The following CADM2 variants were observed in gnomAD, a reference collection of about 807,000 sequenced individuals.
CADM2 encodes the protein immunoglobulin superfamily member 4D.
Under a neutral mutation model 49.8 loss-of-function variants are expected in CADM2, and 12 were observed. The ratio of observed to expected loss-of-function variants is 0.24; its 90% CI spans 0.15 to 0.39. The LOEUF (loss-of-function observed/expected upper bound fraction) is 0.39. Ranked by LOEUF, CADM2 falls within the 10% of genes least tolerant of loss-of-function variation. The probability of loss-of-function intolerance (pLI) is 1.00; values close to 1 mark genes in which losing one functional copy is unlikely to be tolerated. For synonymous variants in CADM2, 214 were observed against 175.4 expected, an observed-to-expected ratio of 1.22 and a Z score of -1.74; for missense variants, 378 against 492.3, an observed-to-expected ratio of 0.77 and a Z score of 2.20.
At chr3:85,456,034 A>G (rs1273262183) in intron 1 of CADM2, among the ~76,000 whole-genome samples, 1 of 152,230 alleles carries the variant, frequency 6.6e-6, no homozygotes, top group African/African-American at 2.4e-5. Context: ...AAGAACTTTG[A>G]GTCTGAGTCT....
intron 1 of CADM2, among the ~76,000 whole-genome samples, chr3:85,181,697 T>G (rs1055113588): frequency 1.3e-5 from 2 of 151,856 alleles, no homozygotes; most frequent in Non-Finnish European, 2.9e-5. Context: ...TTTTTTCAAA[T>G]GTTCATAGAG....
At chr3:85,001,181 C>T (rs1576007068) in intron 1 of CADM2, among the ~76,000 whole-genome samples, 2 of 152,056 alleles carry the variant, frequency 1.3e-5, no homozygotes, top group East Asian at 3.9e-4. Flanking sequence ...TTGACATCCT[C>T]TCTGTCCCTT....
intron 1 of CADM2, among the ~76,000 whole-genome samples, chr3:85,116,354 A>C (rs889623899): frequency 6.6e-6 from 1 of 152,074 alleles, no homozygotes; most frequent in East Asian, 1.9e-4. Flanking sequence ...CAAACCAAAA[A>C]CAAACAAAAG....
At chr3:86,008,672 T>C (rs1294792721) in intron 8 of CADM2, among the ~76,000 whole-genome samples, 1 of 152,032 alleles carries the variant, frequency 6.6e-6, no homozygotes, top group Non-Finnish European at 1.5e-5. Flanking sequence ...TGACCTGTGC[T>C]AATTAAAAGG....
chr3:85,657,059 T>C (rs2065221417), intron 1 of CADM2, among the ~76,000 whole-genome samples: 1 of 152,200 alleles, frequency 6.6e-6, no homozygotes, highest in South Asian at 2.1e-4. Flanking sequence ...TTTTTGAAAT[T>C]CTACCACTTT....
chr3:85,825,621 A>T (rs1318398015), intron 3 of CADM2, among the ~76,000 whole-genome samples: 1 of 152,090 alleles, frequency 6.6e-6, no homozygotes, highest in Non-Finnish European at 1.5e-5. Context: ...ACTATGAGTA[A>T]CAAAATTATT....
chr3:85,640,066 G>A (rs1193913768), intron 1 of CADM2, among the ~76,000 whole-genome samples: 4 of 152,180 alleles, frequency 2.6e-5, no homozygotes, highest in East Asian at 1.9e-4. Context: ...TATGTTAGCT[G>A]CTTTGAGAGG....
chr3:84,987,469 T>C (rs1050638848), intron 1 of CADM2, among the ~76,000 whole-genome samples: 2 of 152,160 alleles, frequency 1.3e-5, no homozygotes, highest in African/African-American at 4.8e-5. Context: ...TGAATTCCTT[T>C]TCTATAGGGC....
At chr3:85,146,950 A>G (rs1057389876) in intron 1 of CADM2, among the ~76,000 whole-genome samples, 65 of 150,862 alleles carry the variant, frequency 4.3e-4, no homozygotes, top group Middle Eastern at 3.5e-3. Flanking sequence ...TTAAGGGGGG[A>G]AAAAAAAAGG....
At chr3:85,337,699 C>CT in intron 1 of CADM2, among the ~76,000 whole-genome samples, 1 of 151,390 alleles carries the variant, frequency 6.6e-6, no homozygotes, top group East Asian at 1.9e-4. Context: ...TATTTTTGCT[C>CT]TTTTTTCTAC....
intron 1 of CADM2, among the ~76,000 whole-genome samples, chr3:85,281,159 T>C (rs1340563851): frequency 6.6e-6 from 1 of 151,732 alleles, no homozygotes; most frequent in Non-Finnish European, 1.5e-5. Context: ...AAAATAGAAA[T>C]GTGGACACAC....
chr3:86,045,540 T>A (rs954849258), intron 8 of CADM2, among the ~76,000 whole-genome samples: 4 of 152,212 alleles, frequency 2.6e-5, no homozygotes, highest in African/African-American at 9.6e-5. Context: ...TTGAACCACA[T>A]AAGCAGATGT....
intron 1 of CADM2, among the ~76,000 whole-genome samples, chr3:85,641,219 A>G (rs1025128757): frequency 1.3e-5 from 2 of 152,226 alleles, no homozygotes; most frequent in Non-Finnish European, 2.9e-5. Flanking sequence ...AACTAGTGAT[A>G]GAAGTATATA....
At chr3:85,899,895 C>T (rs1027697130) in intron 5 of CADM2, among the ~76,000 whole-genome samples, 3 of 152,048 alleles carry the variant, frequency 2.0e-5, no homozygotes, top group African/African-American at 4.8e-5. Context: ...AGTTCTTAAG[C>T]GAATACTGGG....
chr3:85,625,015 G>A lies in CADM2; in HGVS notation c.62-101507G>A, dbSNP rs144460158. ...CAACTTTCTAACCTAACTAAGCTTC[G>A]GTTCCTCATCTATAAAACAGACAAA... On this transcript the variant is annotated intron_variant, in intron 1 of 9. Transcript: ENST00000383699. Among the ~76,000 whole-genome samples the A allele has an allele frequency of 5.6e-3, 844 of 151,926 alleles. 3 individuals carry two copies. Among genetic ancestry groups the A allele is most frequent in the Admixed American group, 9.8e-3 (150 of 15,232 alleles).
chr3:85,102,191 C>T (rs1266064646), intron 1 of CADM2, among the ~76,000 whole-genome samples: 1 of 152,154 alleles, frequency 6.6e-6, no homozygotes, highest in Non-Finnish European at 1.5e-5. Flanking sequence ...TCTGGGGTCC[C>T]CTCTTTACCT....
At chr3:85,267,455 T>C (rs1220601437) in intron 1 of CADM2, among the ~76,000 whole-genome samples, 1 of 151,750 alleles carries the variant, frequency 6.6e-6, no homozygotes, top group African/African-American at 2.4e-5. Context: ...GTTACTCAAA[T>C]GTCATCCTCC....
chr3:85,001,451 T>C (rs1015929639), intron 1 of CADM2, among the ~76,000 whole-genome samples: 1 of 152,078 alleles, frequency 6.6e-6, no homozygotes, highest in African/African-American at 2.4e-5. Context: ...TGGTTATAAC[T>C]GTAACAGTTT....
chr3:85,453,263 G>T (rs1209879964), intron 1 of CADM2, among the ~76,000 whole-genome samples: 2 of 151,786 alleles, frequency 1.3e-5, no homozygotes, highest in East Asian at 3.9e-4. Flanking sequence ...TAAATGCATA[G>T]TATAATAAAG....
Sources: gnomAD v4.1 joint callset for allele counts (sites outside exome capture counted in the v4.1 genomes callset) on GRCh38, gnomAD v4.1.1 for gene constraint, MANE v1.5 for transcripts, NCBI Gene and HGNC (gene_info 2026-07-23, HGNC 2026-07-21) for gene names.